The following DLC1 variants were observed in gnomAD, a reference collection of about 807,000 sequenced individuals.
The protein encoded by DLC1 is DLC1 Rho GTPase activating protein.
A neutral mutation model predicts 140.3 loss-of-function variants in DLC1; 54 were observed. The ratio of observed to expected loss-of-function variants is 0.38; its 90% CI spans 0.31 to 0.48. The LOEUF is 0.48. Ranked by LOEUF, DLC1 falls within the 20% of genes least tolerant of loss-of-function variation. DLC1 has a pLI of 0.96. For synonymous variants in DLC1, 986 were observed against 728.1 expected (o/e 1.35, Z -5.70); for missense variants, 2,536 against 1,907.0 (o/e 1.33, Z -6.14).
At chr8:13,159,620 A>C (rs145218186) in intron 5 of DLC1, among the ~76,000 whole-genome samples, 100 of 152,218 alleles carry the variant, frequency 6.6e-4, no homozygotes, top group Middle Eastern at 3.4e-3. Flanking sequence ...ATACCCCATC[A>C]TCTCATAACT....
chr8:13,562,521 A>G (rs1804277737), intron 1 of DLC1, among the ~76,000 whole-genome samples: 1 of 152,210 alleles, frequency 6.6e-6, no homozygotes, highest in African/African-American at 2.4e-5. Context: ...ACGCTGAGAT[A>G]TCATTTCTTA....
intron 5 of DLC1, among the ~76,000 whole-genome samples, chr8:13,242,911 G>A (rs1202818771): frequency 1.1e-4 from 16 of 152,058 alleles, no homozygotes; most frequent in East Asian, 1.9e-4. Flanking sequence ...ATCTCATGTC[G>A]AATTGTAATC....
chr8:13,554,191 C>T (rs749788442), intron 1 of DLC1, among the ~76,000 whole-genome samples: 15 of 152,138 alleles, frequency 9.9e-5, no homozygotes, highest in Admixed American at 7.9e-4. Flanking sequence ...CTCAGCCTCC[C>T]GAGTAGCTGG....
chr8:13,188,941 G>A (rs1247948734), intron 5 of DLC1, among the ~76,000 whole-genome samples: 1 of 144,620 alleles, frequency 6.9e-6, no homozygotes. Flanking sequence ...CGCCCGCCTC[G>A]GCCTCCCAAA....
intron 4 of DLC1, among the ~76,000 whole-genome samples, chr8:13,388,140 G>T (rs1836603010): frequency 6.6e-6 from 1 of 151,814 alleles, no homozygotes; most frequent in Admixed American, 6.6e-5. Context: ...ATCCCTTGTG[G>T]CTAATTCATC....
intron 1 of DLC1, among the ~76,000 whole-genome samples, chr8:13,579,344 T>A (rs1473571084): frequency 1.4e-4 from 8 of 55,662 alleles, no homozygotes; most frequent in African/African-American, 8.5e-4. Flanking sequence ...TATATATATA[T>A]ATATATATAT....
At chr8:13,184,068 A>G (rs927958777) in intron 5 of DLC1, among the ~76,000 whole-genome samples, 4 of 152,176 alleles carry the variant, frequency 2.6e-5, no homozygotes, top group Non-Finnish European at 4.4e-5. Flanking sequence ...CCAGGAATTT[A>G]TCCATTTCTT....
chr8:13,143,043 C>CAAAAAAAAAAAA (rs552138951), intron 5 of DLC1, among the ~76,000 whole-genome samples: 1 of 121,442 alleles, frequency 8.2e-6, no homozygotes, highest in Non-Finnish European at 1.7e-5. Flanking sequence ...AACTCCGTCT[C>CAAAAAAAAAAAA]AAAAAAAAAA....
At chr8:13,495,704 G>A (rs1241738472) in intron 2 of DLC1, among the ~76,000 whole-genome samples, 2 of 152,136 alleles carry the variant, frequency 1.3e-5, no homozygotes, top group Middle Eastern at 3.2e-3. Context: ...AACCCTGGTA[G>A]TCTGAAATAT....
intron 2 of DLC1, among the ~76,000 whole-genome samples, chr8:13,408,409 G>A (rs1837656489): frequency 6.6e-6 from 1 of 152,166 alleles, no homozygotes; most frequent in South Asian, 2.1e-4. Context: ...ACATGTTGAA[G>A]AAAATTGGTT....
chr8:13,180,948 C>T (rs1825995061), intron 5 of DLC1, among the ~76,000 whole-genome samples: 1 of 151,872 alleles, frequency 6.6e-6, no homozygotes, highest in Non-Finnish European at 1.5e-5. Context: ...TCATTGGTTT[C>T]ACTATTTAGC....
chr8:13,556,842 T>G (rs6993558), intron 1 of DLC1, among the ~76,000 whole-genome samples: 56,665 of 152,148 alleles, frequency 0.37, 11,036 homozygotes, highest in Non-Finnish European at 0.43. Flanking sequence ...TCAAATGCAT[T>G]ATTTAATTCA....
At chr8:13,524,045 A>G (rs1802841408) in intron 1 of DLC1, among the ~76,000 whole-genome samples, 1 of 151,342 alleles carries the variant, frequency 6.6e-6, no homozygotes, top group African/African-American at 2.4e-5. Flanking sequence ...TGGATATTAG[A>G]TATCATGATT....
intron 5 of DLC1, among the ~76,000 whole-genome samples, chr8:13,180,501 C>T (rs1333170893): frequency 1.3e-5 from 2 of 151,436 alleles, no homozygotes; most frequent in African/African-American, 2.4e-5. Flanking sequence ...ATTATAAATC[C>T]CAAACTAAGC....
At chr8:13,389,458 A>G (rs557863549) in intron 4 of DLC1, among the ~76,000 whole-genome samples, 1 of 152,170 alleles carries the variant, frequency 6.6e-6, no homozygotes, top group Non-Finnish European at 1.5e-5. Flanking sequence ...GTGTCAAAAG[A>G]ACAAAACAAT....
intron 1 of DLC1, among the ~76,000 whole-genome samples, chr8:13,549,598 C>T (rs1321969447): frequency 1.3e-5 from 2 of 152,194 alleles, no homozygotes; most frequent in Admixed American, 6.5e-5. Flanking sequence ...AAAGCTGATA[C>T]ATTAAAGAGC....
intron 2 of DLC1, among the ~76,000 whole-genome samples, chr8:13,450,452 C>CAAAAAAAAAA (rs759911909): frequency 1.9e-5 from 1 of 53,354 alleles, no homozygotes; most frequent in Non-Finnish European, 3.3e-5. Context: ...GAGACTGTCT[C>CAAAAAAAAAA]AAAAAAAAAA....
At chr8:13,291,170 A>T (rs1831743692) in intron 5 of DLC1, among the ~76,000 whole-genome samples, 1 of 152,190 alleles carries the variant, frequency 6.6e-6, no homozygotes, top group Admixed American at 6.5e-5. Flanking sequence ...CAGCCTCCCA[A>T]AGTGCTGGGA....
At chr8:13,595,618 G>A (rs564416293) in intron 1 of DLC1, among the ~76,000 whole-genome samples, 1 of 151,872 alleles carries the variant, frequency 6.6e-6, no homozygotes, top group African/African-American at 2.4e-5. Context: ...GAACAGTTTC[G>A]ACTCTTATTG....
Sources: gnomAD v4.1 joint callset for allele counts (sites outside exome capture counted in the v4.1 genomes callset) on GRCh38, gnomAD v4.1.1 for gene constraint, MANE v1.5 for transcripts, NCBI Gene and HGNC (gene_info 2026-07-23, HGNC 2026-07-21) for gene names.